The following PDE7B variants were observed in gnomAD, a reference collection of about 807,000 sequenced individuals.
PDE7B encodes 3',5'-cyclic-AMP phosphodiesterase 7B.
PDE7B carries 29 observed loss-of-function variants against 56.2 expected under a neutral mutation model. The observed-to-expected ratio is 0.52, with a 90% CI of 0.38 to 0.70. The LOEUF (loss-of-function observed/expected upper bound fraction) is 0.70. PDE7B is among the 30% of genes least tolerant of loss of function. The pLI is 0.00. For synonymous variants in PDE7B, 197 were observed against 196.9 expected (o/e 1.00, Z 0.00); for missense variants, 490 against 565.0 (o/e 0.87, Z 1.35).
chr6:136,129,987 C>T (rs747083089), intron 3 of PDE7B, among the ~76,000 whole-genome samples: 1 of 152,196 alleles, frequency 6.6e-6, no homozygotes, highest in Non-Finnish European at 1.5e-5. Flanking sequence ...GAGTGGGTTT[C>T]TCTGTGGCTT....
intron 9 of PDE7B, among the ~76,000 whole-genome samples, chr6:136,176,543 A>G (rs538130804): frequency 2.5e-3 from 381 of 152,096 alleles, no homozygotes; most frequent in African/African-American, 8.8e-3. Flanking sequence ...AATTTTTGTG[A>G]TTTTTTTCCC....
At chr6:136,102,514 A>G (rs978296525) in intron 2 of PDE7B, among the ~76,000 whole-genome samples, 1 of 152,178 alleles carries the variant, frequency 6.6e-6, no homozygotes, top group African/African-American at 2.4e-5. Context: ...TTCATTACTG[A>G]AGGCAGACCC....
intron 1 of PDE7B, among the ~76,000 whole-genome samples, chr6:135,947,030 T>C (rs1774606441): frequency 6.6e-6 from 1 of 152,106 alleles, no homozygotes; most frequent in Non-Finnish European, 1.5e-5. Flanking sequence ...AGATAAAGTA[T>C]AGGCCACCTA....
intron 1 of PDE7B, among the ~76,000 whole-genome samples, chr6:135,865,614 A>AG (rs1775239535): frequency 2.2e-5 from 2 of 91,224 alleles, no homozygotes; most frequent in African/African-American, 9.8e-5. Flanking sequence ...AGCACTAGGC[A>AG]TTGTGTGTGT....
At chr6:135,861,114 A>G (rs1188505034) in intron 1 of PDE7B, among the ~76,000 whole-genome samples, 13 of 151,906 alleles carry the variant, frequency 8.6e-5, no homozygotes, top group Admixed American at 8.5e-4. Context: ...CACGGTATTT[A>G]CCATTCTACT....
At chr6:135,935,206 A>ATT (rs1774399580) in intron 1 of PDE7B, among the ~76,000 whole-genome samples, 2 of 82,090 alleles carry the variant, frequency 2.4e-5, no homozygotes, top group African/African-American at 1.2e-4. Context: ...ATATATATAT[A>ATT]TATATATATA....
At chr6:135,885,755 G>C (rs1775696517) in intron 1 of PDE7B, among the ~76,000 whole-genome samples, 1 of 152,214 alleles carries the variant, frequency 6.6e-6, no homozygotes, top group South Asian at 2.1e-4. Flanking sequence ...ATGATCATAT[G>C]TGATGACTAG....
chr6:136,076,729 C>T (rs1454636189), intron 2 of PDE7B, among the ~76,000 whole-genome samples: 1 of 152,076 alleles, frequency 6.6e-6, no homozygotes, highest in East Asian at 1.9e-4. Flanking sequence ...CAGGGAGCTT[C>T]TGAACTTAAT....
chr6:136,047,409 GAT>G (rs1379471015), intron 2 of PDE7B: 2 of 152,210 alleles, frequency 1.3e-5, no homozygotes, highest in African/African-American at 4.8e-5. Flanking sequence ...GGTCAGGTCT[GAT>G]ACATTTTCAC....
At position 135,902,127 on chromosome 6, in the gene PDE7B, T is replaced by G. The variant is rs1251506382; in HGVS notation, c.22-45337T>G. On this transcript the variant is annotated intron_variant, in intron 1 of 12. Transcript: ENST00000308191. ...CTCTCAGAATTTTATAGTTGTTCAT[T>G]TGAACGTAAACAGAAAATTTGTTTA... 2.6e-5 allele frequency among the ~76,000 whole-genome samples: 4 copies of G among 152,212 alleles called. No homozygotes were observed. In the East Asian group the frequency reaches 7.7e-4, roughly 29 times the overall value.
chr6:135,946,116 T>C (rs1480981421), intron 1 of PDE7B, among the ~76,000 whole-genome samples: 1 of 152,048 alleles, frequency 6.6e-6, no homozygotes, highest in Non-Finnish European at 1.5e-5. Context: ...ATATGTACTA[T>C]TTTCAGATAT....
chr6:136,048,019 C>G (rs1776544456), intron 2 of PDE7B, among the ~76,000 whole-genome samples: 1 of 152,012 alleles, frequency 6.6e-6, no homozygotes, highest in African/African-American at 2.4e-5. Flanking sequence ...TTCTTCATTC[C>G]TTAGAAAATA....
intron 2 of PDE7B, among the ~76,000 whole-genome samples, chr6:136,031,191 A>G (rs1476022583): frequency 2.0e-5 from 3 of 152,228 alleles, no homozygotes; most frequent in African/African-American, 7.2e-5. Flanking sequence ...AATATGGAAC[A>G]GGCATAAAAT....
chr6:135,981,872 CTGTACAAAAT>C (rs1775303523), intron 2 of PDE7B, among the ~76,000 whole-genome samples: 1 of 151,776 alleles, frequency 6.6e-6, no homozygotes, highest in Non-Finnish European at 1.5e-5. Context: ...ATATCATGTG[CTGTACAAAAT>C]TGTACATGCT....
chr6:135,930,746 A>G (rs1774279304), intron 1 of PDE7B, among the ~76,000 whole-genome samples: 1 of 152,160 alleles, frequency 6.6e-6, no homozygotes, highest in Admixed American at 6.5e-5. Flanking sequence ...ACAATGCTAT[A>G]AAAATTATTT....
chr6:135,884,867 T>C (rs1384669290), intron 1 of PDE7B, among the ~76,000 whole-genome samples: 1 of 152,112 alleles, frequency 6.6e-6, no homozygotes, highest in East Asian at 1.9e-4. Context: ...ATTACAGGAA[T>C]TTTGAGTTAG....
At chr6:136,137,554 T>C (rs1778233800) in intron 3 of PDE7B, among the ~76,000 whole-genome samples, 1 of 152,080 alleles carries the variant, frequency 6.6e-6, no homozygotes, top group South Asian at 2.1e-4. Flanking sequence ...ACTACTCGAC[T>C]TCTGGAAACA....
At chr6:135,926,166 A>C (rs1421719078) in intron 1 of PDE7B, among the ~76,000 whole-genome samples, 2 of 146,678 alleles carry the variant, frequency 1.4e-5, no homozygotes, top group Admixed American at 7.1e-5. Flanking sequence ...GGCTCACTGC[A>C]AGCTCCGCCT....
At chr6:136,061,535 G>A (rs1339723732) in intron 2 of PDE7B, among the ~76,000 whole-genome samples, 1 of 152,048 alleles carries the variant, frequency 6.6e-6, no homozygotes, top group African/African-American at 2.4e-5. Flanking sequence ...AAGAAATAAG[G>A]GCAGTATTGC....
Sources: allele counts gnomAD v4.1 joint callset (sites outside exome capture counted in the v4.1 genomes callset), GRCh38; gene constraint gnomAD v4.1.1; transcripts MANE v1.5; gene names NCBI Gene and HGNC (gene_info 2026-07-23, HGNC 2026-07-21).